UBR3: variants seen among roughly 807,000 people sequenced by gnomAD.
The protein encoded by UBR3 is ubiquitin protein ligase E3 component n-recognin 3, also known as E3 ubiquitin-protein ligase UBR3.
UBR3 carries 85 observed loss-of-function variants against 243.2 expected under a neutral mutation model. The ratio of observed to expected loss-of-function variants is 0.35; its 90% CI spans 0.29 to 0.42. The LOEUF is 0.42. Among genes scored for constraint, UBR3 ranks in the 10% least tolerant of loss-of-function variants. UBR3 has a pLI of 1.00. For synonymous variants in UBR3, 748 were observed against 799.8 expected, an observed-to-expected ratio of 0.94 and a Z score of 1.09; for missense variants, 1,686 against 2,300.8, an observed-to-expected ratio of 0.73 and a Z score of 5.47.
intron 4 of UBR3, among the ~76,000 whole-genome samples, chr2:169,878,317 C>T (rs1415769346): frequency 2.0e-5 from 3 of 150,386 alleles, no homozygotes; most frequent in East Asian, 1.9e-4. Context: ...GGTGAGATTG[C>T]GCCACTGCAC....
At chr2:169,873,031 TTAG>T (rs142221152) in intron 2 of UBR3, among the ~76,000 whole-genome samples, 2,837 of 152,238 alleles carry the variant, frequency 0.019, 56 homozygotes, top group East Asian at 0.038. Context: ...CAGATATTCA[TTAG>T]TAGTATGAAT....
At chr2:170,046,534 A>T (rs1039708929) in intron 32 of UBR3, among the ~76,000 whole-genome samples, 2 of 152,174 alleles carry the variant, frequency 1.3e-5, no homozygotes, top group Non-Finnish European at 2.9e-5. Flanking sequence ...ATAGATTTAG[A>T]TGGAATCAGT....
chr2:169,987,233 A>G (rs1402421970), intron 25 of UBR3, among the ~76,000 whole-genome samples: 1 of 151,972 alleles, frequency 6.6e-6, no homozygotes, highest in East Asian at 1.9e-4. Flanking sequence ...TCTCTACTAA[A>G]AATATAAAAT....
At chr2:170,036,793 C>T (rs2354245) in intron 31 of UBR3, among the ~76,000 whole-genome samples, 65,954 of 151,690 alleles carry the variant, frequency 0.43, 15,409 homozygotes, top group Non-Finnish European at 0.54. Flanking sequence ...ATATGTTTGC[C>T]GTCTACTTTT....
intron 1 of UBR3, among the ~76,000 whole-genome samples, chr2:169,844,236 C>T (rs1044072574): frequency 2.0e-5 from 3 of 151,712 alleles, no homozygotes; most frequent in East Asian, 2.0e-4. Flanking sequence ...CAAACTCAGG[C>T]GATCCACCCG....
intron 33 of UBR3, among the ~76,000 whole-genome samples, chr2:170,057,127 T>C (rs12052633): frequency 4.1e-5 from 4 of 97,440 alleles, no homozygotes; most frequent in Non-Finnish European, 1.0e-4. Context: ...TCTTTTTTTT[T>C]TTTTTTTTGA....
chr2:169,962,744 T>G (rs991280974), intron 24 of UBR3, among the ~76,000 whole-genome samples: 1 of 120,168 alleles, frequency 8.3e-6, no homozygotes. Context: ...GAGTTTAGGG[T>G]GTTTCTTTTT....
At chr2:169,873,066 A>G (rs1460555715) in intron 2 of UBR3, among the ~76,000 whole-genome samples, 2 of 151,964 alleles carry the variant, frequency 1.3e-5, no homozygotes, top group Non-Finnish European at 2.9e-5. Flanking sequence ...ACTTTTTATG[A>G]TGTTTTTTAC....
intron 24 of UBR3, among the ~76,000 whole-genome samples, chr2:169,976,108 CT>C (rs35631134): frequency 0.43 from 63,743 of 148,002 alleles, 14,980 homozygotes; most frequent in Non-Finnish European, 0.55. Context: ...AGTTGGGCCA[CT>C]TTTTTTTTTT....
At chr2:170,058,807 T>C (rs1350012369) in intron 33 of UBR3, among the ~76,000 whole-genome samples, 10 of 152,168 alleles carry the variant, frequency 6.6e-5, no homozygotes, top group Non-Finnish European at 1.0e-4. Flanking sequence ...TGAGCCACCA[T>C]GCCCAGCCTA....
At position 169,958,420 on chromosome 2, in the gene UBR3, T is replaced by G. The variant is rs773630658; in HGVS notation, c.3546-18T>G. 1 of 1,610,608 alleles carries G rather than the reference T, an allele frequency of 6.2e-7. No homozygotes were observed. Among genetic ancestry groups the G allele is most frequent in the Non-Finnish European group, 8.5e-7 (1 of 1,178,300 alleles). On this transcript the variant is annotated intron_variant, in intron 23 of 38. Coordinates refer to ENST00000272793, the MANE Select transcript of UBR3 (RefSeq NM_172070.4). ...TAAGCGCATCTGATACTTAAAACTT[T>G]ATTTCTGTTTAATCTAGGCGACAGA...
intron 11 of UBR3, among the ~76,000 whole-genome samples, chr2:169,921,916 G>A (rs1342860312): frequency 2.0e-5 from 3 of 152,046 alleles, no homozygotes; most frequent in South Asian, 2.1e-4. Flanking sequence ...GCTTGAACCC[G>A]GGAGGCAGAG....
At chr2:169,944,467 TAAAA>T (rs1201629820) in intron 20 of UBR3, among the ~76,000 whole-genome samples, 3 of 152,154 alleles carry the variant, frequency 2.0e-5, no homozygotes, top group African/African-American at 7.2e-5. Context: ...TTATGAAAAA[TAAAA>T]AGACAATGTT....
chr2:169,939,421 G>A (rs2105354846), intron 19 of UBR3, among the ~76,000 whole-genome samples: 1 of 115,532 alleles, frequency 8.7e-6, no homozygotes, highest in African/African-American at 3.4e-5. Context: ...ACCACGCCCG[G>A]CTAATTTTTT....
chr2:169,993,918 G>A (rs997287190), intron 25 of UBR3, among the ~76,000 whole-genome samples: 6 of 151,770 alleles, frequency 4.0e-5, no homozygotes, highest in East Asian at 3.8e-4. Context: ...ACATCCTTCC[G>A]GGCTCACCTT....
At chr2:170,073,886 A>G (rs1423313111) in intron 36 of UBR3, among the ~76,000 whole-genome samples, 1 of 152,178 alleles carries the variant, frequency 6.6e-6, no homozygotes, top group Non-Finnish European at 1.5e-5. Flanking sequence ...GGTAGATACA[A>G]AGGAATTTTA....
chr2:170,065,905 C>A (rs765630644), intron 35 of UBR3, among the ~76,000 whole-genome samples: 2 of 150,938 alleles, frequency 1.3e-5, no homozygotes, highest in Non-Finnish European at 2.9e-5. Flanking sequence ...TATTTTGAGC[C>A]GTGGAAGTGA....
chr2:169,932,258 A>G (rs999276451), intron 18 of UBR3, among the ~76,000 whole-genome samples: 1 of 151,966 alleles, frequency 6.6e-6, no homozygotes, highest in African/African-American at 2.4e-5. Flanking sequence ...TTGTATTTTT[A>G]GTAGAGACGG....
intron 1 of UBR3, among the ~76,000 whole-genome samples, chr2:169,836,067 A>ATATATATTTTTT (rs1558999159): frequency 3.1e-5 from 1 of 32,666 alleles, no homozygotes; most frequent in Non-Finnish European, 5.1e-5. Context: ...ATATATATAT[A>ATATATATTTTTT]TTTTTTTTTT....
Sources: allele counts gnomAD v4.1 joint callset (sites outside exome capture counted in the v4.1 genomes callset), GRCh38; gene constraint gnomAD v4.1.1; transcripts MANE v1.5; gene names NCBI Gene and HGNC (gene_info 2026-07-23, HGNC 2026-07-21).